ZNF385D: variants seen among roughly 807,000 people sequenced by gnomAD.
ZNF385D encodes zinc finger protein 659.
ZNF385D carries 15 observed loss-of-function variants against 35.8 expected under a neutral mutation model. That is an observed-to-expected ratio of 0.42 (90% confidence interval 0.28 to 0.64). The LOEUF (loss-of-function observed/expected upper bound fraction) is 0.64, where lower values mean the gene tolerates loss of function less well. Ranked by LOEUF, ZNF385D falls within the 30% of genes least tolerant of loss-of-function variation. The probability of loss-of-function intolerance (pLI) is 0.23; values close to 1 mark genes in which losing one functional copy is unlikely to be tolerated. For missense variants in ZNF385D, 474 were observed against 494.6 expected (o/e 0.96, Z 0.39); for synonymous variants, 212 against 186.8 (o/e 1.13, Z -1.10).
intron 3 of ZNF385D, among the ~76,000 whole-genome samples, chr3:21,836,932 G>A (rs929067274): frequency 2.0e-5 from 3 of 151,862 alleles, no homozygotes; most frequent in African/African-American, 4.8e-5. Flanking sequence ...TTCCCTCCTT[G>A]AGCTGATCCT....
chr3:21,642,847 GACA>G, intron 2 of ZNF385D, among the ~76,000 whole-genome samples: 1 of 152,084 alleles, frequency 6.6e-6, no homozygotes, highest in Middle Eastern at 3.4e-3. Context: ...GACACAAAAG[GACA>G]AACACTGTAT....
chr3:21,487,518 T>C (rs1365146519), intron 4 of ZNF385D, among the ~76,000 whole-genome samples: 2 of 152,116 alleles, frequency 1.3e-5, no homozygotes, highest in African/African-American at 2.4e-5. Context: ...ATCCTATGTA[T>C]TTACTGATGC....
intron 3 of ZNF385D, among the ~76,000 whole-genome samples, chr3:22,090,408 C>G (rs538476677): frequency 6.6e-6 from 1 of 151,930 alleles, no homozygotes; most frequent in Non-Finnish European, 1.5e-5. Flanking sequence ...GACTTAAGAG[C>G]CCAAGTGACT....
At chr3:21,799,544 C>A (rs2072304508) in intron 3 of ZNF385D, among the ~76,000 whole-genome samples, 1 of 152,102 alleles carries the variant, frequency 6.6e-6, no homozygotes, top group Non-Finnish European at 1.5e-5. Context: ...TTTGACTTTT[C>A]ATATTGTGGC....
intron 4 of ZNF385D, among the ~76,000 whole-genome samples, chr3:21,495,143 A>G (rs1705731717): frequency 6.6e-6 from 1 of 152,164 alleles, no homozygotes; most frequent in Non-Finnish European, 1.5e-5. Context: ...AATATGAATT[A>G]ATAGATAGAT....
intron 2 of ZNF385D, among the ~76,000 whole-genome samples, chr3:21,582,036 T>C (rs1272723229): frequency 6.6e-6 from 1 of 152,200 alleles, no homozygotes; most frequent in Non-Finnish European, 1.5e-5. Context: ...GCCAAATAAT[T>C]TTATACAGGG....
intron 3 of ZNF385D, among the ~76,000 whole-genome samples, chr3:21,785,774 G>C (rs2071664524): frequency 6.6e-6 from 1 of 152,150 alleles, no homozygotes; most frequent in South Asian, 2.1e-4. Flanking sequence ...CACTTTGCTG[G>C]AAAATTTGAA....
intron 2 of ZNF385D, among the ~76,000 whole-genome samples, chr3:22,223,978 T>G (rs924983961): frequency 1.3e-5 from 2 of 152,130 alleles, no homozygotes; most frequent in African/African-American, 4.8e-5. Flanking sequence ...CAGCATTTGG[T>G]GCCTGGTTCA....
intron 2 of ZNF385D, among the ~76,000 whole-genome samples, chr3:21,631,179 C>T (rs2125835298): frequency 6.6e-6 from 1 of 152,174 alleles, no homozygotes; most frequent in Admixed American, 6.5e-5. Context: ...TGACAATTTC[C>T]TTTTCCACGC....
chr3:21,583,674 CTACA>C (rs1453807544), intron 2 of ZNF385D, among the ~76,000 whole-genome samples: 2 of 151,628 alleles, frequency 1.3e-5, no homozygotes, highest in Non-Finnish European at 2.9e-5. Flanking sequence ...CCATACTTTT[CTACA>C]TAGTCTTTAA....
At chr3:21,714,948 C>CCA in intron 1 of ZNF385D, among the ~76,000 whole-genome samples, 1 of 152,142 alleles carries the variant, frequency 6.6e-6, no homozygotes, top group Non-Finnish European at 1.5e-5. Flanking sequence ...ACCCTCTGCC[C>CCA]GATGCCCTTG....
intron 2 of ZNF385D, among the ~76,000 whole-genome samples, chr3:22,267,043 A>T (rs1445473877): frequency 6.6e-6 from 1 of 151,968 alleles, no homozygotes; most frequent in African/African-American, 2.4e-5. Flanking sequence ...AGATTAGGCA[A>T]TTCTCTTCTG....
At position 22,128,820 on chromosome 3, in the gene ZNF385D, C is replaced by A. The variant is rs114329490; in HGVS notation, c.325+39997G>T. 2.3e-3 allele frequency among the ~76,000 whole-genome samples: 349 copies of A among 152,258 alleles called. 1 individual carries two copies. The highest frequency in any genetic ancestry group is 8.1e-3 in the African/African-American group (337 of 41,548). Reference sequence around the variant, plus strand: ...TTCTCCTGTGTTTTCTTGGATATCACTGAGCTTCCTCAAAACAGCTATTTT... The same window carrying A: ...TTCTCCTGTGTTTTCTTGGATATCAATGAGCTTCCTCAAAACAGCTATTTT... On this transcript the variant is annotated intron_variant, in intron 3 of 5. Coordinates refer to the ZNF385D transcript ENST00000494108.
At chr3:22,158,739 G>T (rs1002104919) in intron 3 of ZNF385D, among the ~76,000 whole-genome samples, 1 of 151,766 alleles carries the variant, frequency 6.6e-6, no homozygotes, top group Non-Finnish European at 1.5e-5. Flanking sequence ...CAAAAAACAC[G>T]GTGGTTAAGA....
At chr3:21,704,776 C>A (rs1329298141) in intron 1 of ZNF385D, among the ~76,000 whole-genome samples, 1 of 152,134 alleles carries the variant, frequency 6.6e-6, no homozygotes, top group African/African-American at 2.4e-5. Context: ...TAGAACAGTA[C>A]CTGACACATA....
intron 2 of ZNF385D, among the ~76,000 whole-genome samples, chr3:22,326,765 A>G (rs1004532375): frequency 7.9e-5 from 12 of 152,200 alleles, no homozygotes; most frequent in Middle Eastern, 3.2e-3. Flanking sequence ...CAGCTTGATA[A>G]TTTTCCCAGA....
chr3:21,661,179 C>T (rs1247773667), intron 2 of ZNF385D, among the ~76,000 whole-genome samples: 2 of 152,146 alleles, frequency 1.3e-5, no homozygotes, highest in South Asian at 2.1e-4. Flanking sequence ...TTTGTATGCA[C>T]CTAAATCCTT....
At chr3:22,226,492 T>G (rs1317784845) in intron 2 of ZNF385D, among the ~76,000 whole-genome samples, 1 of 152,202 alleles carries the variant, frequency 6.6e-6, no homozygotes, top group African/African-American at 2.4e-5. Context: ...TGTTTTGTTC[T>G]CCTATCTATA....
At chr3:21,473,004 C>T (rs1222933004) in intron 4 of ZNF385D, among the ~76,000 whole-genome samples, 1 of 152,062 alleles carries the variant, frequency 6.6e-6, no homozygotes, top group Non-Finnish European at 1.5e-5. Context: ...TCTATTCCCA[C>T]ACTGTTCCAA....
Sources: allele counts gnomAD v4.1 joint callset (sites outside exome capture counted in the v4.1 genomes callset), GRCh38; gene constraint gnomAD v4.1.1; transcripts MANE v1.5; gene names NCBI Gene and HGNC (gene_info 2026-07-23, HGNC 2026-07-21).